The following C6orf132 variants were observed in gnomAD, a reference collection of about 807,000 sequenced individuals.
C6orf132 encodes uncharacterized protein C6orf132.
Under a neutral mutation model 65.3 loss-of-function variants are expected in C6orf132, and 43 were observed. The observed-to-expected ratio is 0.66, with a 90% CI of 0.52 to 0.85. The LOEUF is 0.85. Ranked by LOEUF, C6orf132 falls within the 40% of genes least tolerant of loss-of-function variation. The probability of loss-of-function intolerance (pLI) is 0.00; values close to 1 mark genes in which losing one functional copy is unlikely to be tolerated. For synonymous variants in C6orf132, 631 were observed against 654.1 expected (o/e 0.96, Z 0.54); for missense variants, 1,488 against 1,548.8 (o/e 0.96, Z 0.66).
rs78994510 is a variant in C6orf132, at chr6:42,124,098, C to A, written c.252+4574G>T. 4.1e-3 allele frequency among the ~76,000 whole-genome samples: 627 copies of A among 152,268 alleles called. 5 individuals are homozygous for A. Among genetic ancestry groups the A allele is most frequent in the African/African-American group, 0.014 (572 of 41,568 alleles). On this transcript the variant is annotated intron_variant, in intron 2 of 4. Coordinates refer to ENST00000341865, the MANE Select transcript of C6orf132 (RefSeq NM_001164446.3). The surrounding 1 kb of genome is among the most constrained non-coding windows in gnomAD (Gnocchi z 4.0). ...CCCTTGAGGACTATGCAGTGTGACCCCCACTGTTGGGTGAGGAGCCAGAGG... is the reference window on the plus strand; with the variant it reads ...CCCTTGAGGACTATGCAGTGTGACCACCACTGTTGGGTGAGGAGCCAGAGG...
chr6:42,110,454 T>G (rs974868672), intron 2 of C6orf132, among the ~76,000 whole-genome samples, 163 bp from the exon 3 acceptor site: 5 of 152,230 alleles, frequency 3.3e-5, no homozygotes, highest in Non-Finnish European at 7.3e-5. Context: ...TTTTAAAAAG[T>G]GAATCTTGTG....
intron 1 of C6orf132, among the ~76,000 whole-genome samples, chr6:42,138,877 A>ACACACACACACACT (rs1158043144): frequency 6.6e-6 from 1 of 151,736 alleles, no homozygotes; most frequent in South Asian, 2.1e-4. Context: ...ACACACACAC[A>ACACACACACACACT]CACACTCGTG....
intron 2 of C6orf132, among the ~76,000 whole-genome samples, chr6:42,125,378 TTTG>T (rs1766748090): frequency 6.6e-6 from 1 of 152,268 alleles, no homozygotes; most frequent in South Asian, 2.1e-4. Flanking sequence ...GGAGGGTGGC[TTTG>T]TTAACACACA....
At chr6:42,113,550 C>G (rs1225901757) in intron 2 of C6orf132, among the ~76,000 whole-genome samples, 1 of 152,220 alleles carries the variant, frequency 6.6e-6, no homozygotes, top group Non-Finnish European at 1.5e-5. Flanking sequence ...CATGGTGGCT[C>G]ACGCCTGTAA....
chr6:42,115,504 G>A (rs924913270), intron 2 of C6orf132, among the ~76,000 whole-genome samples: 2 of 151,398 alleles, frequency 1.3e-5, no homozygotes, highest in African/African-American at 2.4e-5. Flanking sequence ...ATATTAGCCC[G>A]GCATGGTGGC....
chr6:42,117,754 T>G (rs1582275180), intron 2 of C6orf132, among the ~76,000 whole-genome samples: 1 of 151,776 alleles, frequency 6.6e-6, no homozygotes, highest in Non-Finnish European at 1.5e-5. Flanking sequence ...AAACCCCATC[T>G]CTACTAACAA....
intron 1 of C6orf132, among the ~76,000 whole-genome samples, chr6:42,138,524 T>C (rs1461988959): frequency 6.6e-6 from 1 of 152,132 alleles, no homozygotes; most frequent in Admixed American, 6.5e-5. Flanking sequence ...CAAACTCCCA[T>C]GATCCACCTG....
At chr6:42,138,155 T>G (rs1439174747) in intron 1 of C6orf132, among the ~76,000 whole-genome samples, 3 of 152,174 alleles carry the variant, frequency 2.0e-5, no homozygotes, top group Non-Finnish European at 4.4e-5. Context: ...TTAATTTTTT[T>G]GGGTGGGGGA....
In C6orf132 at chr6:42,106,783, C is replaced by G. The variant is rs965433509; in HGVS notation, c.1129G>C (p.Gly377Arg). 5 of 1,534,210 alleles carry G rather than the reference C, an allele frequency of 3.3e-6. No individual in the cohort carries two copies. In the African/African-American group the frequency reaches 6.9e-5, roughly 21 times the overall value. ...TCATCTGCTTGGGACTGGGACTGGCCAAGCCTTGGGCTGGCTGGTGCTGTG... is the reference window on the plus strand; with the variant it reads ...TCATCTGCTTGGGACTGGGACTGGCGAAGCCTTGGGCTGGCTGGTGCTGTG... ...KATAPASPRLGQSQSQADERA... is the reference protein window; with the variant it reads ...KATAPASPRLRQSQSQADERA... The change falls in exon 4 of 5, where the codon GGC becomes CGC. Residue 377 changes from glycine to arginine, a missense_variant. Physicochemically the swap from Gly to Arg is moderately radical, Grantham distance 125. Coordinates refer to ENST00000341865, the MANE Select transcript of C6orf132 (RefSeq NM_001164446.3).
In C6orf132 at chr6:42,107,339, G is replaced by A; in HGVS notation, c.573C>T (p.Pro191=). ...GTGGGGATAGGGCCTCCAATACTGG[G>A]GGTGGAGGTGGGGCCATGCTGGGCG... ...PPPPSMAPPP[P]PVLEALSPPH... The change falls in exon 4 of 5, where the codon CCC becomes CCT. Residue 191 remains proline (P), a synonymous_variant. Transcript: ENST00000341865. 2 of 1,246,548 alleles carry A rather than the reference G, an allele frequency of 1.6e-6. No individual in the cohort carries two copies. The highest frequency in any genetic ancestry group is 1.5e-5 in the South Asian group (1 of 65,518). 77.2% of individuals were successfully genotyped at this position (1,246,548 alleles called of 1,614,324 possible).
intron 1 of C6orf132, 39 bp downstream of exon 1, chr6:42,142,261 C>T (rs1390314718): frequency 3.9e-6 from 6 of 1,536,772 alleles, no homozygotes; most frequent in Non-Finnish European, 5.3e-6. Context: ...CAGCGCCCTC[C>T]GTCCCCGCCC....
Position 42,102,588 on chromosome 6 carries a change from T to C in C6orf132, c.*1173A>G, listed in dbSNP as rs1766310356. The C allele has an allele frequency of 6.7e-6, 1 of 150,282 alleles. No individual in the cohort carries two copies. The highest frequency in any genetic ancestry group is 1.5e-5 in the Non-Finnish European group (1 of 67,902). The allele number at this position is 150,282 out of a possible 1,614,324, so 9.3% of individuals were successfully genotyped here. A position where few individuals can be genotyped will look rare whatever the true frequency, so the allele number is the denominator to read the frequency against. On this transcript the variant is annotated 3_prime_UTR_variant, in exon 5 of 5. Coordinates refer to ENST00000341865, the MANE Select transcript of C6orf132 (RefSeq NM_001164446.3). ...CTTTTTTTTTTTTTTTCCGTATTTT[T>C]AGTAGAGATGGGGTTTCACCATTTG...
intron 1 of C6orf132, among the ~76,000 whole-genome samples, chr6:42,132,737 A>G (rs1321078285): frequency 1.0e-4 from 15 of 148,116 alleles, no homozygotes; most frequent in Non-Finnish European, 1.5e-4. Flanking sequence ...AATCCCAGCT[A>G]CTCAGGATAC....
At chr6:42,119,275 A>AAAAAAAG (rs1562037439) in intron 2 of C6orf132, among the ~76,000 whole-genome samples, 4 of 128,086 alleles carry the variant, frequency 3.1e-5, no homozygotes, top group African/African-American at 5.7e-5. Context: ...AAAAAAAAAA[A>AAAAAAAG]GGGAGAATTC....
At chr6:42,140,794 C>T (rs1767018370) in intron 1 of C6orf132, among the ~76,000 whole-genome samples, 1 of 152,212 alleles carries the variant, frequency 6.6e-6, no homozygotes, top group Non-Finnish European at 1.5e-5. Context: ...GAATCAGTAA[C>T]ACAAAGATTT....
In C6orf132 at chr6:42,103,330, G is replaced by T; in HGVS notation, c.*431C>A. On this transcript the variant is annotated 3_prime_UTR_variant, in exon 5 of 5. Coordinates refer to ENST00000341865, the MANE Select transcript of C6orf132 (RefSeq NM_001164446.3). ...GAGCTGGGCCTCAGCCCTTTGCAAG[G>T]GCCTGACAGGCAATCACAGCTATCT... is the stretch of plus-strand genomic sequence containing the variant. 2.5e-6 allele frequency: 1 copy of T among 397,568 alleles called. No individual in the cohort carries two copies. The highest frequency in any genetic ancestry group is 4.4e-6 in the Non-Finnish European group (1 of 225,974). The allele number at this position is 397,568 out of a possible 1,614,324, so 24.6% of individuals were successfully genotyped here. A position where few individuals can be genotyped will look rare whatever the true frequency, so the allele number is the denominator to read the frequency against.
In C6orf132 at chr6:42,106,405, C is replaced by T; in HGVS notation, c.1507G>A (p.Gly503Ser). Residue 503 changes from glycine (G) to serine (S), a missense_variant, in exon 4 of 5, where the codon GGC becomes AGC. Transcript: ENST00000341865. Reference sequence around the variant, plus strand: ...TCAGGCAGGCGGGGGCCCTTCTTGCCCTCCTTGCTCTGAGGGGCCACTGTT... The same window carrying T: ...TCAGGCAGGCGGGGGCCCTTCTTGCTCTCCTTGCTCTGAGGGGCCACTGTT... The part of the protein sequence containing the change: ...GPTVAPQSKE[G>S]KKGPRLPEKE... The T allele has an allele frequency of 6.5e-7, 1 of 1,535,990 alleles. No individual in the cohort carries two copies. The highest frequency in any genetic ancestry group is 8.7e-7 in the Non-Finnish European group (1 of 1,146,830).
At chr6:42,128,849 C>G in intron 1 of C6orf132, 71 bp from the exon 2 acceptor site, 2 of 1,101,202 alleles carry the variant, frequency 1.8e-6, no homozygotes, top group Non-Finnish European at 2.7e-6. Context: ...GTTTAATCTG[C>G]CCTTCAGCTC....
At chr6:42,121,152 C>A (rs1766677314) in intron 2 of C6orf132, among the ~76,000 whole-genome samples, 1 of 152,202 alleles carries the variant, frequency 6.6e-6, no homozygotes, top group African/African-American at 2.4e-5. Context: ...CCAGAGGCCA[C>A]TGCACACCTT....
Sources: gnomAD v4.1 joint callset for allele counts (sites outside exome capture counted in the v4.1 genomes callset) on GRCh38, gnomAD v4.1.1 for gene constraint, Gnocchi (gnomAD v3.1) non-coding constraint, MANE v1.5 for transcripts, NCBI Gene and HGNC (gene_info 2026-07-23, HGNC 2026-07-21) for gene names.